EXTL1: variants seen among roughly 807,000 people sequenced by gnomAD.
The protein encoded by EXTL1 is exostosin-like 1.
In EXTL1, 43 loss-of-function variants were observed where a neutral mutation model predicts 64.6. The ratio of observed to expected loss-of-function variants is 0.67; its 90% CI spans 0.52 to 0.86. The LOEUF (loss-of-function observed/expected upper bound fraction) is 0.86. Ranked by LOEUF, EXTL1 falls within the 40% of genes least tolerant of loss-of-function variation. The probability of loss-of-function intolerance (pLI) is 0.00; values close to 1 mark genes in which losing one functional copy is unlikely to be tolerated. For missense variants in EXTL1, 766 were observed against 879.0 expected (o/e 0.87, Z 1.62); for synonymous variants, 352 against 360.5 (o/e 0.98, Z 0.27).
chr1:26,022,840 C>T lies in EXTL1; in HGVS notation c.194C>T (p.Pro65Leu). The T allele has an allele frequency of 6.2e-7, 1 of 1,614,064 alleles. No homozygotes were observed. The highest frequency in any genetic ancestry group is 8.5e-7 in the Non-Finnish European group (1 of 1,179,986). The change falls in exon 1 of 11, where the codon CCA becomes CTA. Residue 65 changes from proline (P) to leucine (L), a missense_variant. Around this residue, in one of 3 missense-constraint regions of EXTL1, gnomAD observed 571 missense variants for 647.6 expected, o/e 0.88. Coordinates refer to ENST00000374280, the MANE Select transcript of EXTL1 (RefSeq NM_004455.3). ...AGCTTCTCCCAGCCTGGAGAGCTCCCAGAAGATGCCGTTTCACCTCCTCAA... is the reference window on the plus strand; with the variant it reads ...AGCTTCTCCCAGCCTGGAGAGCTCCTAGAAGATGCCGTTTCACCTCCTCAA... ...LQSFSQPGELPEDAVSPPQAP... is the reference protein window; with the variant it reads ...LQSFSQPGELLEDAVSPPQAP...
At chr1:26,030,426 G>A in intron 3 of EXTL1, 50 bp from the exon 4 acceptor site, 1 of 1,573,992 alleles carries the variant, frequency 6.4e-7, no homozygotes, top group Non-Finnish European at 8.7e-7. Context: ...TCGACCTCCT[G>A]GGCTCAAAAT....
chr1:26,022,964 C>T lies in EXTL1; in HGVS notation c.318C>T (p.Thr106=), dbSNP rs760128489. ...TATTCGTGTACCCAGCGGTTGGAAC[C>T]ATCTCTGAGACTCATCGCAGGATCC... The part of the protein sequence containing the change: ...LKVFVYPAVG[T]ISETHRRILA... Residue 106 remains threonine (T), a synonymous_variant, in exon 1 of 11, where the codon ACC becomes ACT. Coordinates refer to ENST00000374280, the MANE Select transcript of EXTL1 (RefSeq NM_004455.3). The T allele has an allele frequency of 3.1e-6, 5 of 1,614,038 alleles. No homozygotes were observed. The South Asian group carries it at 4.4e-5, about 14-fold the overall frequency.
chr1:26,033,910 A>G lies in EXTL1; in HGVS notation c.1679+54A>G. 1 of 1,490,682 alleles carries G rather than the reference A, an allele frequency of 6.7e-7. No individual in the cohort carries two copies. Among genetic ancestry groups the G allele is most frequent in the African/African-American group, 1.5e-5 (1 of 67,594 alleles). The allele number at this position is 1,490,682 out of a possible 1,614,324, so 92.3% of individuals were successfully genotyped here. On this transcript the variant is annotated intron_variant, in intron 9 of 10. Transcript: ENST00000374280. The surrounding 1 kb of genome is among the most constrained non-coding windows in gnomAD (Gnocchi z 5.1). ...AGAGTATCAGAGGACCAGAGACCCC[A>G]CCCCCACCCCGAACGGAGCAGAGTG...
chr1:26,029,802 T>C, intron 3 of EXTL1, 95 bp downstream of exon 3: 2 of 752,796 alleles, frequency 2.7e-6, no homozygotes, highest in South Asian at 1.6e-5. Context: ...TCCTCATTCC[T>C]ATCTGCCTTC....
In EXTL1 at chr1:26,034,696, G is replaced by A; in HGVS notation, c.1680-140G>A. On this transcript the variant is annotated intron_variant, in intron 9 of 10. Coordinates refer to ENST00000374280, the MANE Select transcript of EXTL1 (RefSeq NM_004455.3). This position sits in a 1 kb window ranked among gnomAD's most constrained non-coding sequence, Gnocchi z 4.6. ...CACAATGGAGAGCTGTTCACGCCAGGGATGGGAGCTCTCTGAGGCAGCCAG... is the reference window on the plus strand; with the variant it reads ...CACAATGGAGAGCTGTTCACGCCAGAGATGGGAGCTCTCTGAGGCAGCCAG... 1.3e-6 allele frequency: 1 copy of A among 788,378 alleles called. No individual in the cohort carries two copies. Among genetic ancestry groups the A allele is most frequent in the Non-Finnish European group, 2.1e-6 (1 of 477,802 alleles). 48.8% of individuals were successfully genotyped at this position (788,378 alleles called of 1,614,324 possible). A position where few individuals can be genotyped will look rare whatever the true frequency, so the allele number is the denominator to read the frequency against.
chr1:26,030,270 C>T (rs1032472826), intron 3 of EXTL1, among the ~76,000 whole-genome samples: 8 of 151,822 alleles, frequency 5.3e-5, no homozygotes, highest in African/African-American at 1.7e-4. Flanking sequence ...ATAGCTCAAC[C>T]ACAGTCACGT....
At position 26,030,598 on chromosome 1, in the gene EXTL1, G is replaced by A. The variant is rs1171148135; in HGVS notation, c.1101+3G>A. 1 of 1,608,080 alleles carries A rather than the reference G, an allele frequency of 6.2e-7. No homozygotes were observed. Among genetic ancestry groups the A allele is most frequent in the Non-Finnish European group, 8.5e-7 (1 of 1,175,898 alleles). On this transcript the variant is annotated splice_donor_region_variant and intron_variant, in intron 4 of 10. Transcript: ENST00000374280. ...AGGTCATCCATACCACTCTGGAGGTGAGGGGTCTCACCTGATGGGGGTCCT... is the reference window on the plus strand; with the variant it reads ...AGGTCATCCATACCACTCTGGAGGTAAGGGGTCTCACCTGATGGGGGTCCT...
intron 1 of EXTL1, among the ~76,000 whole-genome samples, chr1:26,028,097 G>A (rs981211777): frequency 5.3e-5 from 8 of 152,192 alleles, no homozygotes; most frequent in African/African-American, 1.7e-4. Context: ...CTTACTTGTG[G>A]CTTCTTCCAA....
rs755049028 is a variant in EXTL1 at position 26,029,695 on chromosome 1, G to C, written c.969G>C (p.Arg323Ser). 8.1e-6 allele frequency: 13 copies of C among 1,609,594 alleles called. No individual in the cohort carries two copies. The highest frequency in any genetic ancestry group is 1.1e-5 in the Non-Finnish European group (13 of 1,177,344). ...WTKAAIVADE[R>S]LPLQVLAALQ... ...AGGCAGCCATCGTAGCTGATGAGAG[G>C]CTCCCACTTCAGGTAGCTCAGAGCC... The change falls in exon 3 of 11, where the codon AGG (arginine) becomes AGC (serine). Residue 323 changes from arginine (R) to serine (S), a missense_variant. Around this residue, in one of 3 missense-constraint regions of EXTL1, gnomAD observed 571 missense variants for 647.6 expected, o/e 0.88. Transcript: ENST00000374280.
Position 26,033,806 on chromosome 1 carries a change from G to T in EXTL1, c.1629G>T (p.Glu543Asp). 5 of 1,614,104 alleles carry T rather than the reference G, an allele frequency of 3.1e-6. No homozygotes were observed. Among genetic ancestry groups the T allele is most frequent in the Non-Finnish European group, 4.2e-6 (5 of 1,179,966 alleles). ...ATGGTGGCTGGGGCTACACTGCTGA[G>T]AGGACCAACGAATTCTCCATGGTTC... ...EAHGGWGYTA[E>D]RTNEFSMVLT... Residue 543 changes from glutamate (E) to aspartate (D), a missense_variant, in exon 9 of 11, where the codon GAG becomes GAT. Transcript: ENST00000374280. The surrounding 1 kb of genome is among the most constrained non-coding windows in gnomAD (Gnocchi z 5.1).
Position 26,035,358 on chromosome 1 carries a change from C to T in EXTL1, c.*11C>T, listed in dbSNP as rs201035027. On this transcript the variant is annotated 3_prime_UTR_variant, in exon 11 of 11. Transcript: ENST00000374280. The surrounding 1 kb of genome is among the most constrained non-coding windows in gnomAD (Gnocchi z 5.3). ...CTGGAGAAGCCCTAGGGGGGCGACC[C>T]GCGGAGACCCCAGCAGAGGTCGCAG... 57 of 1,594,268 alleles carry T rather than the reference C, an allele frequency of 3.6e-5. No individual in the cohort carries two copies. In the East Asian group the frequency reaches 8.1e-4, roughly 23 times the overall value.
chr1:26,035,022 T>C lies in EXTL1; in HGVS notation c.1848+18T>C. On this transcript the variant is annotated intron_variant, in intron 10 of 10. Coordinates refer to ENST00000374280, the MANE Select transcript of EXTL1 (RefSeq NM_004455.3). This position sits in a 1 kb window ranked among gnomAD's most constrained non-coding sequence, Gnocchi z 5.3. ...CTCCACTGGTGAGGGCTGAGGGGGATTGGTCGGAACTGGCAGGGATTGGGC... is the reference window on the plus strand; with the variant it reads ...CTCCACTGGTGAGGGCTGAGGGGGACTGGTCGGAACTGGCAGGGATTGGGC... 2 of 1,613,424 alleles carry C rather than the reference T, an allele frequency of 1.2e-6. No individual in the cohort carries two copies. Among genetic ancestry groups the C allele is most frequent in the Non-Finnish European group, 8.5e-7 (1 of 1,179,552 alleles).
intron 3 of EXTL1, among the ~76,000 whole-genome samples, chr1:26,030,082 G>T (rs1314067496): frequency 3.3e-5 from 5 of 152,212 alleles, no homozygotes; most frequent in Non-Finnish European, 7.3e-5. Context: ...GAGTGGGAAA[G>T]CAAAACGCAT....
chr1:26,029,594 C>T lies in EXTL1; in HGVS notation c.874-6C>T. 1 of 1,585,480 alleles carries T rather than the reference C, an allele frequency of 6.3e-7. No individual in the cohort carries two copies. The highest frequency in any genetic ancestry group is 2.2e-4 in the Middle Eastern group (1 of 4,600). On this transcript the variant is annotated splice_region_variant and splice_polypyrimidine_tract_variant and intron_variant, in intron 2 of 10. Transcript: ENST00000374280. ...TGGGCTCCCCAGTGACCTCCCCGCC[C>T]CCCAGGCCGGCTGCATCCCAGTGCT...
chr1:26,034,971 C>T lies in EXTL1; in HGVS notation c.1815C>T (p.Pro605=). Residue 605 remains proline (P), a synonymous_variant, in exon 10 of 11, where the codon CCC becomes CCT. Coordinates refer to ENST00000374280, the MANE Select transcript of EXTL1 (RefSeq NM_004455.3). This position sits in a 1 kb window ranked among gnomAD's most constrained non-coding sequence, Gnocchi z 4.6. The part of the protein sequence containing the change: ...AVTKLPPIKV[P]YGKQRQEAAP... ...CCAAGCTGCCCCCTATCAAGGTGCCCTATGGCAAGCAGCGCCAGGAGGCTG... is the reference window on the plus strand; with the variant it reads ...CCAAGCTGCCCCCTATCAAGGTGCCTTATGGCAAGCAGCGCCAGGAGGCTG... 6.2e-7 allele frequency: 1 copy of T among 1,614,192 alleles called. No homozygotes were observed. The highest frequency in any genetic ancestry group is 8.5e-7 in the Non-Finnish European group (1 of 1,180,032).
At chr1:26,027,257 G>T (rs1311329832) in intron 1 of EXTL1, among the ~76,000 whole-genome samples, 1 of 152,186 alleles carries the variant, frequency 6.6e-6, no homozygotes. Context: ...TGCACCGGCT[G>T]CCTCCCTGGC....
chr1:26,022,985 G>C lies in EXTL1; in HGVS notation c.339G>C (p.Arg113Ser). 1 of 1,614,188 alleles carries C rather than the reference G, an allele frequency of 6.2e-7. No homozygotes were observed. The highest frequency in any genetic ancestry group is 8.5e-7 in the Non-Finnish European group (1 of 1,180,036). The change falls in exon 1 of 11, where the codon AGG becomes AGC. Residue 113 changes from arginine (R) to serine (S), a missense_variant. Physicochemically the swap from Arg to Ser is moderately radical, Grantham distance 110 (BLOSUM62 -1). This residue lies in a region of EXTL1 where 571 missense variants were observed against 647.6 expected (regional missense o/e 0.88). Transcript: ENST00000374280. ...AVGTISETHR[R>S]ILASIEGSRF... Reference sequence around the variant, plus strand: ...GAACCATCTCTGAGACTCATCGCAGGATCCTGGCTTCCATTGAGGGCTCTC... The same window carrying C: ...GAACCATCTCTGAGACTCATCGCAGCATCCTGGCTTCCATTGAGGGCTCTC...
intron 6 of EXTL1, among the ~76,000 whole-genome samples, chr1:26,031,806 C>A (rs1358722662): frequency 6.6e-6 from 1 of 152,254 alleles, no homozygotes; most frequent in Non-Finnish European, 1.5e-5. Flanking sequence ...AGGAAACATT[C>A]ATTCCTTTAC....
Position 26,033,522 on chromosome 1 carries a change from G to A in EXTL1, c.1519-174G>A, listed in dbSNP as rs1373105876. ...GACTCTTTTGAGAAATTGTTTTTGT[G>A]GCCCCTGGAAGCTTTCATGCCACAC... On this transcript the variant is annotated intron_variant, in intron 8 of 10. Transcript: ENST00000374280. This position sits in a 1 kb window ranked among gnomAD's most constrained non-coding sequence, Gnocchi z 5.1. 6.6e-6 allele frequency among the ~76,000 whole-genome samples: 1 copy of A among 152,134 alleles called. No individual in the cohort carries two copies. Among genetic ancestry groups the A allele is most frequent in the African/African-American group, 2.4e-5 (1 of 41,412 alleles).
Sources: gnomAD v4.1 joint callset for allele counts (sites outside exome capture counted in the v4.1 genomes callset) on GRCh38, gnomAD v4.1.1 for gene constraint, gnomAD v4.1.1 regional missense constraint, Gnocchi (gnomAD v3.1) non-coding constraint, MANE v1.5 for transcripts, NCBI Gene and HGNC (gene_info 2026-07-23, HGNC 2026-07-21) for gene names.